The following CORO2B variants were observed in gnomAD, a reference collection of about 807,000 sequenced individuals.
CORO2B encodes coronin-2B.
In CORO2B, 26 loss-of-function variants were observed where a neutral mutation model predicts 58.8. The observed-to-expected ratio is 0.44, with a 90% confidence interval of 0.32 to 0.61. The LOEUF (loss-of-function observed/expected upper bound fraction) is 0.61. Ranked by LOEUF, CORO2B falls within the 20% of genes least tolerant of loss-of-function variation. CORO2B has a pLI of 0.04. For synonymous variants in CORO2B, 242 were observed against 253.8 expected, an observed-to-expected ratio of 0.95 and a Z score of 0.44; for missense variants, 460 against 645.1, an observed-to-expected ratio of 0.71 and a Z score of 3.11.
At chr15:68,668,800 C>T (rs950006293) in intron 2 of CORO2B, among the ~76,000 whole-genome samples, 17 of 152,098 alleles carry the variant, frequency 1.1e-4, no homozygotes, top group South Asian at 2.1e-4. Context: ...AAAGACAGGC[C>T]GAGCATGGTG....
chr15:68,591,315 G>A (rs764455002), intron 1 of CORO2B, among the ~76,000 whole-genome samples: 6 of 152,248 alleles, frequency 3.9e-5, no homozygotes, highest in African/African-American at 7.2e-5. Flanking sequence ...CAGGTTGAGC[G>A]GGCAGCGTGA....
chr15:68,701,572 G>A (rs930622513), intron 3 of CORO2B, among the ~76,000 whole-genome samples: 46 of 127,844 alleles, frequency 3.6e-4, no homozygotes, highest in African/African-American at 1.2e-3. Context: ...TGCAAGCTCC[G>A]CCTCCCGGGT....
chr15:68,686,311 C>G (rs542657102), intron 2 of CORO2B, among the ~76,000 whole-genome samples: 1 of 151,966 alleles, frequency 6.6e-6, no homozygotes, highest in African/African-American at 2.4e-5. Context: ...GCTGGGATTA[C>G]AGGAGTGAGC....
At chr15:68,602,523 G>C (rs866890270) in intron 1 of CORO2B, among the ~76,000 whole-genome samples, 31 of 151,870 alleles carry the variant, frequency 2.0e-4, no homozygotes, top group African/African-American at 7.5e-4. Context: ...AGCAAAAAGC[G>C]CTCTTGCTGT....
intron 2 of CORO2B, among the ~76,000 whole-genome samples, chr15:68,648,474 A>G (rs541896531): frequency 1.3e-5 from 2 of 152,054 alleles, no homozygotes; most frequent in East Asian, 1.9e-4. Flanking sequence ...GTGAAACCCT[A>G]TCTCTACTAA....
chr15:68,658,686 A>G (rs77708876), intron 2 of CORO2B, among the ~76,000 whole-genome samples: 3,597 of 152,338 alleles, frequency 0.024, 145 homozygotes, highest in African/African-American at 0.08. Context: ...TGTCCAGTAG[A>G]CATCATTCCT....
intron 4 of CORO2B, among the ~76,000 whole-genome samples, chr15:68,711,153 C>T (rs1440428042): frequency 1.3e-5 from 2 of 152,136 alleles, no homozygotes; most frequent in African/African-American, 4.8e-5. Context: ...ACACCCTTTG[C>T]CTGGCCACTT....
At chr15:68,541,942 C>G in the CORO2B span, among the ~76,000 whole-genome samples, 3 of 152,144 alleles carry the variant, frequency 2.0e-5, no homozygotes, top group African/African-American at 7.2e-5. Flanking sequence ...CCCTCTCAAC[C>G]CAGGGAGTCT....
At chr15:68,721,636 G>A (rs555555329) in intron 11 of CORO2B, among the ~76,000 whole-genome samples, 2 of 152,276 alleles carry the variant, frequency 1.3e-5, no homozygotes, top group South Asian at 2.1e-4. Flanking sequence ...AACCCAGGAG[G>A]CAGAGACTAA....
intron 1 of CORO2B, among the ~76,000 whole-genome samples, chr15:68,626,151 A>T (rs922599341): frequency 1.4e-4 from 21 of 152,162 alleles, no homozygotes; most frequent in African/African-American, 4.3e-4. Context: ...GCAATTTTTT[A>T]AAAATGTTCC....
intron 2 of CORO2B, among the ~76,000 whole-genome samples, chr15:68,666,189 G>A (rs1404659889): frequency 2.6e-5 from 4 of 152,330 alleles, no homozygotes; most frequent in African/African-American, 9.6e-5. Context: ...AGGTAGAGAA[G>A]AGGCTCGAAC....
Position 68,710,976 on chromosome 15 carries a change from C to A in CORO2B, c.483+95C>A. 7.6e-7 allele frequency: 1 copy of A among 1,320,926 alleles called. No homozygotes were observed. The highest frequency in any genetic ancestry group is 1.0e-6 in the Non-Finnish European group (1 of 982,868). 81.8% of individuals were successfully genotyped at this position (1,320,926 alleles called of 1,614,324 possible). On this transcript the variant is annotated intron_variant, in intron 4 of 11. Coordinates refer to ENST00000261861, the MANE Select transcript of CORO2B (RefSeq NM_006091.5). The surrounding 1 kb of genome is among the most constrained non-coding windows in gnomAD (Gnocchi z 4.1). ...GGAAGCACTGTTGCTTCCTAAGCAA[C>A]CAATATGGCCTCATCTGTTCATTTG...
intron 1 of CORO2B, among the ~76,000 whole-genome samples, chr15:68,610,156 T>C (rs926372282): frequency 6.6e-6 from 1 of 152,158 alleles, no homozygotes; most frequent in Non-Finnish European, 1.5e-5. Context: ...AAATGGGCCT[T>C]ATCCTCAGGG....
intron 1 of CORO2B, among the ~76,000 whole-genome samples, chr15:68,609,080 G>C (rs980629055): frequency 1.3e-5 from 2 of 152,180 alleles, no homozygotes; most frequent in Non-Finnish European, 2.9e-5. Context: ...GTGCCTGCAC[G>C]GTGCACTGGG....
At chr15:68,673,106 C>T (rs988969709) in intron 2 of CORO2B, among the ~76,000 whole-genome samples, 4 of 152,048 alleles carry the variant, frequency 2.6e-5, no homozygotes, top group Admixed American at 6.5e-5. Flanking sequence ...AAACCTAAGC[C>T]GGTAGGTGGG....
chr15:68,577,652 C>T (rs1223467434), upstream of CORO2B, among the ~76,000 whole-genome samples: 2 of 141,498 alleles, frequency 1.4e-5, no homozygotes, highest in Admixed American at 1.5e-4. Flanking sequence ...ATCCAGGAGG[C>T]GGAGGTTGCA....
At chr15:68,576,173 A>AAAAAAAAAAAAGAAAG (rs1555409381), upstream of CORO2B, among the ~76,000 whole-genome samples, 1 of 103,834 alleles carries the variant, frequency 9.6e-6, no homozygotes, top group African/African-American at 4.3e-5. Flanking sequence ...AAAAAAAAAA[A>AAAAAAAAAAAAGAAAG]AAAGAAAGAA....
chr15:68,669,677 G>A (rs1902319160), intron 2 of CORO2B, among the ~76,000 whole-genome samples: 1 of 152,120 alleles, frequency 6.6e-6, no homozygotes, highest in African/African-American at 2.4e-5. Context: ...ATCCAATGGT[G>A]GGTTTTGGGC....
chr15:68,634,144 G>C (rs1003547096), intron 1 of CORO2B, among the ~76,000 whole-genome samples: 3 of 152,216 alleles, frequency 2.0e-5, no homozygotes, highest in Admixed American at 1.3e-4. Flanking sequence ...CATGAAGGAG[G>C]GGGTGAGGAG....
Sources: allele counts gnomAD v4.1 joint callset (sites outside exome capture counted in the v4.1 genomes callset), GRCh38; gene constraint gnomAD v4.1.1; non-coding constraint Gnocchi (gnomAD v3.1); transcripts MANE v1.5; gene names NCBI Gene and HGNC (gene_info 2026-07-23, HGNC 2026-07-21).